Variants in CERS6 observed in about 807,000 individuals in gnomAD.
CERS6 encodes the protein ceramide synthase 6.
A neutral mutation model predicts 56.8 loss-of-function variants in CERS6; 26 were observed. The ratio of observed to expected loss-of-function variants is 0.46; its 90% CI spans 0.34 to 0.63. The LOEUF (loss-of-function observed/expected upper bound fraction) is 0.63. CERS6 is among the 30% of genes least tolerant of loss of function. The pLI, the probability that CERS6 is intolerant of heterozygous loss-of-function variation, is 0.01. For synonymous variants in CERS6, 164 were observed against 173.3 expected (o/e 0.95, Z 0.42); for missense variants, 415 against 467.5 (o/e 0.89, Z 1.04).
chr2:168,636,341 TTAAG>T (rs1391250629), intron 4 of CERS6, among the ~76,000 whole-genome samples: 1 of 152,214 alleles, frequency 6.6e-6, no homozygotes, highest in Non-Finnish European at 1.5e-5. Context: ...AGCTAGCAGT[TTAAG>T]TAACTTTTTA....
chr2:168,550,480 G>A (rs574257815), intron 2 of CERS6, among the ~76,000 whole-genome samples: 2 of 152,238 alleles, frequency 1.3e-5, no homozygotes, highest in East Asian at 3.9e-4. Flanking sequence ...GCCTGGTCAA[G>A]GTGTTTTTTA....
At position 168,771,967 on chromosome 2, in the gene CERS6, T is replaced by G. The variant is rs1037882361; in HGVS notation, c.*2305T>G. 2 of 152,192 alleles carry G rather than the reference T, an allele frequency of 1.3e-5. No homozygotes were observed. The highest frequency in any genetic ancestry group is 2.9e-5 in the Non-Finnish European group (2 of 68,036). 9.4% of individuals were successfully genotyped at this position (152,192 alleles called of 1,614,324 possible). The stretch of plus-strand genomic sequence containing the variant: ...ACAGTCGTCTATGTTATCCAGAGAT[T>G]TTTATTTCATTTTACATTTTAGGGC... On this transcript the variant is annotated 3_prime_UTR_variant, in exon 10 of 10. Transcript: ENST00000305747.
chr2:168,656,107 T>C (rs1038840207), intron 4 of CERS6, among the ~76,000 whole-genome samples: 3 of 152,160 alleles, frequency 2.0e-5, no homozygotes, highest in Admixed American at 2.0e-4. Context: ...TCCTCCTAAA[T>C]AGGTCCTAGA....
chr2:168,508,342 A>C (rs1270511850), intron 1 of CERS6, among the ~76,000 whole-genome samples: 2 of 152,184 alleles, frequency 1.3e-5, no homozygotes, highest in Non-Finnish European at 2.9e-5. Context: ...AAATTGATGA[A>C]TGATCTGTAA....
chr2:168,712,174 G>T (rs1449650324), intron 6 of CERS6, among the ~76,000 whole-genome samples: 1 of 152,150 alleles, frequency 6.6e-6, no homozygotes, highest in African/African-American at 2.4e-5. Flanking sequence ...ACCACTAGGG[G>T]CCTCCTCCTT....
intron 8 of CERS6, among the ~76,000 whole-genome samples, chr2:168,725,177 G>A (rs943996036): frequency 7.2e-5 from 11 of 152,360 alleles, no homozygotes; most frequent in South Asian, 2.1e-4. Flanking sequence ...CGGCAGGGCC[G>A]GCCGGCTGCT....
At position 168,456,617 on chromosome 2, in the gene CERS6, A is replaced by G; in HGVS notation, c.169A>G (p.Arg57Gly). 1 of 1,612,620 alleles carries G rather than the reference A, an allele frequency of 6.2e-7. No homozygotes were observed. Among genetic ancestry groups the G allele is most frequent in the East Asian group, 2.2e-5 (1 of 44,658 alleles). ...CTTCATGGTGCGGCTCATCTTCGAG[A>G]GGTAAGAAGGGCTGAAGCCCCTCCT... ...CIFMVRLIFE[R>G]FVAKPCAIAL... Residue 57 changes from arginine to glycine, a missense_variant and splice_region_variant, in exon 1 of 10, where the codon AGA becomes GGA. Transcript: ENST00000305747. The surrounding 1 kb of genome is among the most constrained non-coding windows in gnomAD (Gnocchi z 4.1).
At chr2:168,594,107 A>G (rs768045841) in intron 3 of CERS6, among the ~76,000 whole-genome samples, 134 of 152,364 alleles carry the variant, frequency 8.8e-4, no homozygotes, top group Middle Eastern at 3.4e-3. Flanking sequence ...TCATATACAG[A>G]TAACATCATG....
intron 8 of CERS6, among the ~76,000 whole-genome samples, chr2:168,724,914 G>T (rs1015719785): frequency 3.9e-5 from 6 of 152,218 alleles, no homozygotes; most frequent in African/African-American, 1.4e-4. Context: ...TCAGCCCTTG[G>T]GTGGTCGATG....
chr2:168,517,562 G>A (rs529400463), intron 1 of CERS6, among the ~76,000 whole-genome samples: 1 of 151,342 alleles, frequency 6.6e-6, no homozygotes, highest in African/African-American at 2.4e-5. Flanking sequence ...GTAAAAACAA[G>A]TGGATGGTGT....
intron 4 of CERS6, among the ~76,000 whole-genome samples, chr2:168,631,607 A>T (rs12998191): frequency 0.17 from 8,120 of 48,266 alleles, 13 homozygotes; most frequent in East Asian, 0.28. Flanking sequence ...TTAAATATAT[A>T]ATATATTTAA....
intron 8 of CERS6, among the ~76,000 whole-genome samples, chr2:168,764,394 G>A (rs900918936): frequency 4.0e-5 from 6 of 151,832 alleles, no homozygotes; most frequent in Non-Finnish European, 7.4e-5. Flanking sequence ...CGCCCACCTC[G>A]GCCTCCCAAA....
chr2:168,696,337 G>A (rs1020779940), intron 6 of CERS6, among the ~76,000 whole-genome samples: 13 of 152,214 alleles, frequency 8.5e-5, no homozygotes, highest in East Asian at 3.9e-4. Context: ...TTGCCACTCC[G>A]TATACCTTCT....
intron 8 of CERS6, among the ~76,000 whole-genome samples, chr2:168,746,927 A>G (rs1684125345): frequency 6.6e-6 from 1 of 150,922 alleles, no homozygotes; most frequent in Non-Finnish European, 1.5e-5. Flanking sequence ...TGGAAAATGT[A>G]GAAAACATTT....
chr2:168,537,071 A>T (rs1380777158), intron 1 of CERS6, among the ~76,000 whole-genome samples: 26 of 152,202 alleles, frequency 1.7e-4, no homozygotes, highest in Non-Finnish European at 1.5e-5. Context: ...CCTTTTTTCC[A>T]CATGGGCTTT....
chr2:168,745,239 G>A (rs2105436284), intron 8 of CERS6, among the ~76,000 whole-genome samples: 1 of 110,592 alleles, frequency 9.0e-6, no homozygotes, highest in Admixed American at 1.1e-4. Context: ...ATGTTTATCA[G>A]TTTAAAAATT....
At chr2:168,753,793 CT>C (rs1252839905) in intron 8 of CERS6, among the ~76,000 whole-genome samples, 1 of 152,198 alleles carries the variant, frequency 6.6e-6, no homozygotes, top group African/African-American at 2.4e-5. Context: ...TATTGTAACA[CT>C]TCCAGTAGAA....
At chr2:168,526,164 A>G (rs6728025) in intron 1 of CERS6, among the ~76,000 whole-genome samples, 1 of 152,190 alleles carries the variant, frequency 6.6e-6, no homozygotes, top group African/African-American at 2.4e-5. Context: ...CCCCAAGAGG[A>G]TATGCATGTT....
At chr2:168,555,777 A>G (rs1695667363) in intron 2 of CERS6, among the ~76,000 whole-genome samples, 1 of 138,376 alleles carries the variant, frequency 7.2e-6, no homozygotes, top group Non-Finnish European at 1.5e-5. Flanking sequence ...TGTAAAGATC[A>G]AATTAAAAGA....
Sources: allele counts gnomAD v4.1 joint callset (sites outside exome capture counted in the v4.1 genomes callset), GRCh38; gene constraint gnomAD v4.1.1; non-coding constraint Gnocchi (gnomAD v3.1); transcripts MANE v1.5; gene names NCBI Gene and HGNC (gene_info 2026-07-23, HGNC 2026-07-21).